PTPRB: variants seen among roughly 807,000 people sequenced by gnomAD.
PTPRB encodes protein tyrosine phosphatase receptor type B.
PTPRB carries 97 observed loss-of-function variants against 238.1 expected under a neutral mutation model. The observed-to-expected ratio is 0.41, with a 90% confidence interval of 0.35 to 0.48. The LOEUF is 0.48. Among genes scored for constraint, PTPRB ranks in the 20% least tolerant of loss-of-function variants. PTPRB has a pLI of 0.30. For missense variants in PTPRB, 2,292 were observed against 2,681.9 expected (o/e 0.85, Z 3.21); for synonymous variants, 970 against 995.4 (o/e 0.97, Z 0.48).
chr12:70,630,905 A>T (rs1268370548), intron 2 of PTPRB, among the ~76,000 whole-genome samples: 3 of 152,174 alleles, frequency 2.0e-5, no homozygotes, highest in African/African-American at 7.2e-5. Flanking sequence ...AGAACTACAA[A>T]CCACTGCTCA....
At chr12:70,605,268 T>A (rs76333518) in intron 4 of PTPRB, among the ~76,000 whole-genome samples, 212 of 152,314 alleles carry the variant, frequency 1.4e-3, no homozygotes, top group East Asian at 3.3e-3. Flanking sequence ...GAATAGAATA[T>A]ATTTTTAGTA....
rs1877446901 is a variant in PTPRB at position 70,555,055 on chromosome 12, A to T, written c.5143+105T>A. On this transcript the variant is annotated intron_variant, in intron 20 of 33. Transcript: ENST00000334414. ...GAGGGGTGAATGATACAAAAATTAC[A>T]TTTTCTACTTAAGTTTCTTAAACTT... is the stretch of plus-strand genomic sequence containing the variant. 10 of 1,357,046 alleles carry T rather than the reference A, an allele frequency of 7.4e-6. 1 individual carries two copies. In the South Asian group the frequency reaches 1.4e-4, roughly 19 times the overall value. 84.1% of individuals were successfully genotyped at this position (1,357,046 alleles called of 1,614,324 possible). A position where few individuals can be genotyped will look rare whatever the true frequency, so the allele number is the denominator to read the frequency against.
rs1878701685 is a variant in PTPRB, at chr12:70,562,981, A to G, written c.4031T>C (p.Leu1344Pro). 6.2e-7 allele frequency: 1 copy of G among 1,613,882 alleles called. No homozygotes were observed. Among genetic ancestry groups the G allele is most frequent in the Non-Finnish European group, 8.5e-7 (1 of 1,179,904 alleles). ...NIFLYNPDGN[L>P]QERAQVDPLV... ...TGGGTCAACTTGAGCTCTCTCCTGGAGATTCCCATCTGGGTTGTACAAAAA... is the reference window on the plus strand; with the variant it reads ...TGGGTCAACTTGAGCTCTCTCCTGGGGATTCCCATCTGGGTTGTACAAAAA... The change falls in exon 16 of 34, where the codon CTC (leucine) becomes CCC (proline). Residue 1344 changes from leucine (L) to proline (P), a missense_variant. Transcript: ENST00000334414.
rs147407957 is a variant in PTPRB, at chr12:70,622,435, T to C, written c.663A>G (p.Ser221=). The change falls in exon 3 of 34, where the codon TCA becomes TCG. Residue 221 remains serine (S), a synonymous_variant. Coordinates refer to ENST00000334414, the MANE Select transcript of PTPRB (RefSeq NM_001109754.4). ...NLHMTGITDT[S]WVLSTTQPFS... is the part of the protein sequence containing the mutation. The stretch of plus-strand genomic sequence containing the variant: ...AGGGCTGAGTAGTCGACAAAACCCA[T>C]GATGTGTCTGTAATTCCAGTCATGT... The C allele has an allele frequency of 1.9e-6, 3 of 1,612,900 alleles. No homozygotes were observed. Among genetic ancestry groups the C allele is most frequent in the Non-Finnish European group, 2.5e-6 (3 of 1,179,628 alleles).
intron 21 of PTPRB, among the ~76,000 whole-genome samples, chr12:70,547,176 G>A (rs1876113444): frequency 6.6e-6 from 1 of 152,142 alleles, no homozygotes; most frequent in Non-Finnish European, 1.5e-5. Context: ...CCTGTAAAAT[G>A]AACATCAAGA....
rs377156203 is a variant in PTPRB, at chr12:70,524,533, C to T, written c.6563G>A (p.Arg2188Gln). The T allele has an allele frequency of 3.5e-5, 56 of 1,613,174 alleles. No homozygotes were observed. The highest frequency in any genetic ancestry group is 2.8e-4 in the African/African-American group (21 of 74,984). Residue 2188 changes from arginine to glutamine, a missense_variant, in exon 33 of 34, where the codon CGG (arginine) becomes CAG (glutamine). Physicochemically the swap from Arg to Gln is conservative, Grantham distance 43. Around this residue, in one of 4 missense-constraint regions of PTPRB, gnomAD observed 397 missense variants for 502.0 expected, o/e 0.79. Coordinates refer to ENST00000334414, the MANE Select transcript of PTPRB (RefSeq NM_001109754.4). ...VRDVLRARKL[R>Q]SEQENPLFPI... The stretch of plus-strand genomic sequence containing the variant: ...AAACAAGGGGTTTTCTTGTTCACTC[C>T]GTAGCTTTCTTGCTCTGAGGACATC...
At chr12:70,596,406 T>C in intron 4 of PTPRB, 79 bp from the exon 5 acceptor site, 4 of 1,283,976 alleles carry the variant, frequency 3.1e-6, no homozygotes, top group Non-Finnish European at 4.0e-6. Context: ...TTGAAGACTT[T>C]TGCAAATAAC....
rs1480946141 is a variant in PTPRB at position 70,581,648 on chromosome 12, G to A, written c.2312-346C>T. 3.3e-5 allele frequency among the ~76,000 whole-genome samples: 5 copies of A among 152,104 alleles called. No individual in the cohort carries two copies. In the South Asian group the frequency reaches 6.2e-4, roughly 19 times the overall value. ...GTGATTTTATCTGTCCTTACCCCAT[G>A]AGAATTCAAAGCTATCTAATCTACC... On this transcript the variant is annotated intron_variant, in intron 9 of 33. Transcript: ENST00000334414.
Position 70,581,206 on chromosome 12 carries a change from T to C in PTPRB, c.2408A>G (p.Tyr803Cys), listed in dbSNP as rs1404931143. 1 of 1,613,884 alleles carries C rather than the reference T, an allele frequency of 6.2e-7. No individual in the cohort carries two copies. Among genetic ancestry groups the C allele is most frequent in the Non-Finnish European group, 8.5e-7 (1 of 1,179,900 alleles). ...ATTTTCATGGATCAGTAAGACTTGG[T>C]AAAATTCTACGTCTCCTTGTGCCTG... ...WTQAQGDVEF[Y>C]QVLLIHENVV... The change falls in exon 10 of 34, where the codon TAC becomes TGC. Residue 803 changes from tyrosine to cysteine, a missense_variant. Physicochemically the swap from Tyr to Cys is radical, Grantham distance 194 (BLOSUM62 -2). Transcript: ENST00000334414.
At position 70,636,050 on chromosome 12, in the gene PTPRB, G is replaced by T. The variant is rs754719782; in HGVS notation, c.72C>A (p.Val24=). 6.2e-7 allele frequency: 1 copy of T among 1,612,170 alleles called. No homozygotes were observed. Among genetic ancestry groups the T allele is most frequent in the Non-Finnish European group, 8.5e-7 (1 of 1,178,970 alleles). ...AAAGACACTGTTGTTTCTGGACATG[G>T]ACAATCTGAAACCCTTCTGGAAGAT... is the stretch of plus-strand genomic sequence containing the variant. The part of the protein sequence containing the change: ...IFRNSEGFQI[V]HVQKQQCLFK... Residue 24 remains valine (V), a synonymous_variant, in exon 2 of 34, where the codon GTC becomes GTA. Transcript: ENST00000334414.
At chr12:70,608,842 T>A in intron 4 of PTPRB, 1 of 602,082 alleles carries the variant, frequency 1.7e-6, no homozygotes, top group Non-Finnish European at 2.8e-6. Flanking sequence ...ACCCCGACCC[T>A]TTCAGTAGCT....
At chr12:70,580,118 A>C (rs1881220037) in intron 10 of PTPRB, among the ~76,000 whole-genome samples, 1 of 152,270 alleles carries the variant, frequency 6.6e-6, no homozygotes, top group South Asian at 2.1e-4. Flanking sequence ...ATTGTATTAC[A>C]TAGAAAATTC....
chr12:70,581,081 T>A lies in PTPRB; in HGVS notation c.2533A>T (p.Ser845Cys). ...ACTTGTCGGGAAGAGATCCCTCCAC[T>A]CACTGTTGTTACCACCACGGAGTAC... ...SLYSVVVTTVSGGISSRQVVV... is the reference protein window; with the variant it reads ...SLYSVVVTTVCGGISSRQVVV... Residue 845 changes from serine to cysteine, a missense_variant, in exon 10 of 34, where the codon AGT (serine) becomes TGT (cysteine). Physicochemically the swap from Ser to Cys is moderately radical, Grantham distance 112. Coordinates refer to ENST00000334414, the MANE Select transcript of PTPRB (RefSeq NM_001109754.4). 1 of 1,614,018 alleles carries A rather than the reference T, an allele frequency of 6.2e-7. No individual in the cohort carries two copies. The highest frequency in any genetic ancestry group is 8.5e-7 in the Non-Finnish European group (1 of 1,179,890).
chr12:70,591,563 C>T (rs1472908819), intron 7 of PTPRB, among the ~76,000 whole-genome samples: 1 of 152,170 alleles, frequency 6.6e-6, no homozygotes, highest in Non-Finnish European at 1.5e-5. Flanking sequence ...TTAAAATGTA[C>T]TATTTTTATT....
intron 2 of PTPRB, among the ~76,000 whole-genome samples, chr12:70,626,204 T>C (rs370147959): frequency 5.3e-4 from 80 of 151,300 alleles, no homozygotes; most frequent in African/African-American, 1.8e-3. Context: ...ATGCCAAATA[T>C]AATGTGCCTT....
intron 2 of PTPRB, among the ~76,000 whole-genome samples, chr12:70,631,592 AC>A (rs1312510972): frequency 1.3e-5 from 2 of 152,204 alleles, no homozygotes; most frequent in Non-Finnish European, 2.9e-5. Flanking sequence ...ATCTAATTAA[AC>A]TAAAGAGCTT....
chr12:70,609,016 C>G, intron 4 of PTPRB, 53 bp downstream of exon 4: 1 of 1,575,800 alleles, frequency 6.3e-7, no homozygotes, highest in South Asian at 1.2e-5. Flanking sequence ...CTTGAAAAGG[C>G]AGGGCCCAAC....
chr12:70,600,870 A>T (rs1013034521), intron 4 of PTPRB, among the ~76,000 whole-genome samples: 2 of 149,844 alleles, frequency 1.3e-5, no homozygotes, highest in Non-Finnish European at 3.0e-5. Context: ...TAATTTTTGT[A>T]TTTTCTTTTT....
At chr12:70,527,522 AGAT>A (rs60681259) in intron 32 of PTPRB, among the ~76,000 whole-genome samples, 147,028 of 152,156 alleles carry the variant, frequency 0.97, 71,077 homozygotes, top group East Asian at 1. Flanking sequence ...GAAGCAAATG[AGAT>A]GATTGAGACT....
Sources: gnomAD v4.1 joint callset for allele counts (sites outside exome capture counted in the v4.1 genomes callset) on GRCh38, gnomAD v4.1.1 for gene constraint, gnomAD v4.1.1 regional missense constraint, MANE v1.5 for transcripts, NCBI Gene and HGNC (gene_info 2026-07-23, HGNC 2026-07-21) for gene names.